Variants in CCSER1 observed in about 807,000 individuals in gnomAD.
CCSER1 encodes the protein coiled-coil serine rich protein 1.
In CCSER1, 41 loss-of-function variants were observed where a neutral mutation model predicts 82.0. The ratio of observed to expected loss-of-function variants is 0.50; its 90% CI spans 0.39 to 0.65. The LOEUF (loss-of-function observed/expected upper bound fraction) is 0.65, where lower values mean the gene tolerates loss of function less well. Among genes scored for constraint, CCSER1 ranks in the 30% least tolerant of loss-of-function variants. CCSER1 has a pLI of 0.00. For missense variants in CCSER1, 1,119 were observed against 1,064.2 expected, an observed-to-expected ratio of 1.05 and a Z score of -0.72; for synonymous variants, 414 against 383.9, an observed-to-expected ratio of 1.08 and a Z score of -0.92.
chr4:90,956,320 T>C (rs1733428089), intron 9 of CCSER1, among the ~76,000 whole-genome samples: 1 of 152,262 alleles, frequency 6.6e-6, no homozygotes, highest in Admixed American at 6.5e-5. Context: ...TTACTTAACT[T>C]GCAAATCCTT....
Position 91,461,548 on chromosome 4 carries a change from C to T in CCSER1, c.2218-137024C>T, listed in dbSNP as rs190675730. ...TTGTCAAACCCCTTACCAGGACGTC[C>T]TTTTATCACTGTGGTATTAAGGTTC... On this transcript the variant is annotated intron_variant, in intron 10 of 10. Transcript: ENST00000509176. Among the ~76,000 whole-genome samples the T allele has an allele frequency of 1.2e-4, 18 of 152,220 alleles. No homozygotes were observed. In the East Asian group the frequency reaches 3.3e-3, roughly 28 times the overall value.
At chr4:90,508,277 G>A (rs1211963983) in intron 5 of CCSER1, among the ~76,000 whole-genome samples, 1 of 152,010 alleles carries the variant, frequency 6.6e-6, no homozygotes, top group Non-Finnish European at 1.5e-5. Flanking sequence ...AATTTGGTTA[G>A]TTTGGTCTAT....
intron 10 of CCSER1, among the ~76,000 whole-genome samples, chr4:91,427,146 T>C (rs921844940): frequency 6.6e-6 from 1 of 152,146 alleles, no homozygotes; most frequent in African/African-American, 2.4e-5. Flanking sequence ...TTTAAGGTTG[T>C]TTTTCTGTGA....
At chr4:91,201,636 G>T in intron 10 of CCSER1, among the ~76,000 whole-genome samples, 1 of 151,990 alleles carries the variant, frequency 6.6e-6, no homozygotes, top group East Asian at 1.9e-4. Flanking sequence ...TTGGACTATT[G>T]TTGTAAACCT....
chr4:90,393,629 A>G lies in CCSER1; in HGVS notation c.1510-6407A>G, dbSNP rs532565262. 2.6e-5 allele frequency among the ~76,000 whole-genome samples: 4 copies of G among 152,282 alleles called. No individual in the cohort carries two copies. The South Asian group carries it at 8.3e-4, about 32-fold the overall frequency. On this transcript the variant is annotated intron_variant, in intron 3 of 10. Coordinates refer to ENST00000509176, the MANE Select transcript of CCSER1 (RefSeq NM_001145065.2). ...CTGTTCTGATAGTTATTTGACTAAA[A>G]TATAACAGTATAGATATGTGATTAA...
At chr4:90,152,069 G>C (rs1726967434) in intron 1 of CCSER1, among the ~76,000 whole-genome samples, 1 of 152,076 alleles carries the variant, frequency 6.6e-6, no homozygotes, top group Non-Finnish European at 1.5e-5. Flanking sequence ...AAATGTTTTT[G>C]ACTGCAAGTA....
chr4:90,305,823 T>G (rs1482537994), intron 1 of CCSER1, among the ~76,000 whole-genome samples: 1 of 152,170 alleles, frequency 6.6e-6, no homozygotes, highest in African/African-American at 2.4e-5. Context: ...CAATCCTACT[T>G]CTGGGTATAT....
At chr4:90,705,377 C>T (rs1317529673) in intron 6 of CCSER1, among the ~76,000 whole-genome samples, 1 of 152,208 alleles carries the variant, frequency 6.6e-6, no homozygotes, top group Non-Finnish European at 1.5e-5. Flanking sequence ...TTGTCAGTCT[C>T]CCCCTACTGG....
In CCSER1 at chr4:90,275,197, C is replaced by T. The variant is rs904308858; in HGVS notation, c.-41-33047C>T. Among the ~76,000 whole-genome samples, 40 of 152,202 alleles carry T rather than the reference C, an allele frequency of 2.6e-4. 1 individual carries two copies. The highest frequency in any genetic ancestry group is 8.5e-4 in the Admixed American group (13 of 15,288). On this transcript the variant is annotated intron_variant, in intron 1 of 10. Transcript: ENST00000509176. ...TAATCAGTTAGCAGATTTGTATCCT[C>T]GACTACTACTTGTATTCTGTAAATA...
At chr4:90,669,749 G>A (rs1240772121) in intron 6 of CCSER1, among the ~76,000 whole-genome samples, 1 of 151,946 alleles carries the variant, frequency 6.6e-6, no homozygotes, top group Non-Finnish European at 1.5e-5. Context: ...AAAATGTGAA[G>A]GAGAGGAAAT....
At chr4:91,403,996 G>A (rs1303189787) in intron 10 of CCSER1, among the ~76,000 whole-genome samples, 2 of 152,106 alleles carry the variant, frequency 1.3e-5, no homozygotes, top group African/African-American at 4.8e-5. Context: ...TGTACCTCTG[G>A]TAGAATTTTG....
intron 9 of CCSER1, among the ~76,000 whole-genome samples, chr4:91,046,511 G>A (rs796993686): frequency 6.6e-6 from 1 of 151,982 alleles, no homozygotes; most frequent in African/African-American, 2.4e-5. Context: ...CTTTTTTATT[G>A]TTTCTTTACT....
At chr4:90,534,388 C>T (rs904183572) in intron 5 of CCSER1, among the ~76,000 whole-genome samples, 3 of 151,776 alleles carry the variant, frequency 2.0e-5, no homozygotes, top group Non-Finnish European at 4.4e-5. Context: ...CTCGGCCTCC[C>T]GAAGTGCTGG....
chr4:90,453,379 A>G (rs1309559050), intron 4 of CCSER1, among the ~76,000 whole-genome samples: 1 of 152,170 alleles, frequency 6.6e-6, no homozygotes, highest in African/African-American at 2.4e-5. Context: ...TTGTATCCCC[A>G]ATATCAGGGT....
intron 5 of CCSER1, among the ~76,000 whole-genome samples, chr4:90,532,967 A>C (rs1292280541): frequency 6.6e-6 from 1 of 152,008 alleles, no homozygotes; most frequent in Admixed American, 6.5e-5. Context: ...TTTGGCTAAA[A>C]AGAGAGCTAG....
intron 10 of CCSER1, among the ~76,000 whole-genome samples, chr4:91,260,366 A>T (rs1473306482): frequency 6.6e-6 from 1 of 152,182 alleles, no homozygotes; most frequent in African/African-American, 2.4e-5. Context: ...AGTACTTTCT[A>T]CCTCACTGGA....
intron 9 of CCSER1, among the ~76,000 whole-genome samples, chr4:90,970,328 A>G (rs969782971): frequency 1.3e-5 from 2 of 151,980 alleles, no homozygotes; most frequent in Admixed American, 6.6e-5. Context: ...CAAAACGAAC[A>G]TCAAGTGAGA....
intron 10 of CCSER1, among the ~76,000 whole-genome samples, chr4:91,561,287 A>T (rs577139457): frequency 6.6e-6 from 1 of 151,564 alleles, no homozygotes; most frequent in Admixed American, 6.6e-5. Context: ...ACCTTGTTTT[A>T]TACAGTTTTC....
At chr4:91,056,506 C>G (rs1180210039) in intron 9 of CCSER1, among the ~76,000 whole-genome samples, 1 of 152,136 alleles carries the variant, frequency 6.6e-6, no homozygotes, top group Non-Finnish European at 1.5e-5. Context: ...TCTGGCAAGA[C>G]CTTTTATAAC....
Sources: gnomAD v4.1 joint callset for allele counts (sites outside exome capture counted in the v4.1 genomes callset) on GRCh38, gnomAD v4.1.1 for gene constraint, MANE v1.5 for transcripts, NCBI Gene and HGNC (gene_info 2026-07-23, HGNC 2026-07-21) for gene names.